The following VSTM2B variants were observed in gnomAD, a reference collection of about 807,000 sequenced individuals.
The protein encoded by VSTM2B is V-set and transmembrane domain-containing protein 2B.
A neutral mutation model predicts 24.0 loss-of-function variants in VSTM2B; 24 were observed. That is an observed-to-expected ratio of 1.00 (90% CI 0.72 to 1.40). VSTM2B has a LOEUF of 1.40. VSTM2B is among the 40% of genes most tolerant of loss of function. The pLI is 0.00. For missense variants in VSTM2B, 399 were observed against 416.4 expected (o/e 0.96, Z 0.36); for synonymous variants, 226 against 194.4 (o/e 1.16, Z -1.35).
chr19:29,526,937 C>G lies in VSTM2B; in HGVS notation c.82+272C>G, dbSNP rs1248402888. ...GGAGTAGGCGCGCCCCAGCCAGGCTCTGGCGGTGCGGCCAGGGGCGGGGGA... is the reference window on the plus strand; with the variant it reads ...GGAGTAGGCGCGCCCCAGCCAGGCTGTGGCGGTGCGGCCAGGGGCGGGGGA... On this transcript the variant is annotated intron_variant, in intron 1 of 4. Transcript: ENST00000335523. The surrounding 1 kb of genome is among the most constrained non-coding windows in gnomAD (Gnocchi z 4.1). The G allele has an allele frequency of 2.1e-6, 1 of 467,496 alleles. No individual in the cohort carries two copies. Among genetic ancestry groups the G allele is most frequent in the African/African-American group, 2.1e-5 (1 of 48,498 alleles). 29.0% of individuals were successfully genotyped at this position (467,496 alleles called of 1,614,324 possible). A position where few individuals can be genotyped will look rare whatever the true frequency, so the allele number is the denominator to read the frequency against.
chr19:29,561,062 A>G (rs1970511817), intron 4 of VSTM2B, among the ~76,000 whole-genome samples: 1 of 152,202 alleles, frequency 6.6e-6, no homozygotes, highest in African/African-American at 2.4e-5. Context: ...CTGTAATCCC[A>G]GCACTTTGGG....
intron 4 of VSTM2B, among the ~76,000 whole-genome samples, chr19:29,549,499 C>T (rs115359026): frequency 1.2e-4 from 15 of 124,948 alleles, no homozygotes; most frequent in South Asian, 2.3e-4. Flanking sequence ...AGGTCCCTGA[C>T]GCTGGCTCCA....
Position 29,528,469 on chromosome 19 carries a change from G to A in VSTM2B, c.297+7G>A. 4 of 1,550,890 alleles carry A rather than the reference G, an allele frequency of 2.6e-6. No homozygotes were observed. The highest frequency in any genetic ancestry group is 3.5e-6 in the Non-Finnish European group (4 of 1,146,944). On this transcript the variant is annotated splice_region_variant and intron_variant, in intron 3 of 4. Coordinates refer to ENST00000335523, the MANE Select transcript of VSTM2B (RefSeq NM_001146339.2). ...GGATGCAACTAAAATCAGCGTAAGT[G>A]TGGAGCCCAGCGCGGGCCGCGGGAG...
rs1276045174 is a variant in VSTM2B, at chr19:29,530,265, C to T, written c.744C>T (p.Val248=). The change falls in exon 4 of 5, where the codon GTC becomes GTT. Residue 248 remains valine (V), a synonymous_variant. Transcript: ENST00000335523. The stretch of plus-strand genomic sequence containing the variant: ...CGTCGCCGCCATCGGGACAGGCGGT[C>T]CTGCTGCGCCAGAGGCACGGCTCGG... The part of the protein sequence containing the change: ...SSASPPSGQA[V]LLRQRHGSGT... 2 of 1,499,910 alleles carry T rather than the reference C, an allele frequency of 1.3e-6. No individual in the cohort carries two copies. The highest frequency in any genetic ancestry group is 1.8e-6 in the Non-Finnish European group (2 of 1,131,444). 92.9% of individuals were successfully genotyped at this position (1,499,910 alleles called of 1,614,324 possible). A position where few individuals can be genotyped will look rare whatever the true frequency, so the allele number is the denominator to read the frequency against.
chr19:29,542,616 G>C (rs377270365), intron 4 of VSTM2B, among the ~76,000 whole-genome samples: 123 of 152,180 alleles, frequency 8.1e-4, no homozygotes, highest in Middle Eastern at 6.8e-3. Context: ...TGATGGATGA[G>C]TAGATTGGGA....
Position 29,526,307 on chromosome 19 carries a change from G to C in VSTM2B, c.-277G>C, listed in dbSNP as rs1362286981. Among the ~76,000 whole-genome samples the C allele has an allele frequency of 6.6e-6, 1 of 151,828 alleles. No individual in the cohort carries two copies. The highest frequency in any genetic ancestry group is 2.4e-5 in the African/African-American group (1 of 41,398). On this transcript the variant is annotated 5_prime_UTR_variant, in exon 1 of 5. Transcript: ENST00000335523. The surrounding 1 kb of genome is among the most constrained non-coding windows in gnomAD (Gnocchi z 4.1). ...CGCGGATCCCCACCGTCCTGTGGAC[G>C]ACCGGACAGAGAGAGGCACTGACCG...
intron 4 of VSTM2B, among the ~76,000 whole-genome samples, chr19:29,541,317 A>G (rs1970013415): frequency 6.6e-6 from 1 of 152,180 alleles, no homozygotes; most frequent in Non-Finnish European, 1.5e-5. Context: ...GGAGGCAGTG[A>G]TCCAGTCAAG....
At chr19:29,534,921 G>C (rs1414876600) in intron 4 of VSTM2B, among the ~76,000 whole-genome samples, 1 of 152,040 alleles carries the variant, frequency 6.6e-6, no homozygotes, top group South Asian at 2.1e-4. Flanking sequence ...AGAGAGGGGG[G>C]ACTTCCTCCA....
intron 3 of VSTM2B, 116 bp from the exon 4 acceptor site, chr19:29,529,703 A>G: frequency 9.4e-7 from 1 of 1,068,838 alleles, no homozygotes; most frequent in Admixed American, 2.4e-5. Flanking sequence ...GATGGTGGGC[A>G]AACCAGGATC....
chr19:29,545,375 G>A (rs1282380172), intron 4 of VSTM2B, among the ~76,000 whole-genome samples: 3 of 152,214 alleles, frequency 2.0e-5, no homozygotes, highest in Non-Finnish European at 4.4e-5. Flanking sequence ...CACTTTGGGA[G>A]GCCGAGGCGG....
At chr19:29,528,566 G>T in intron 3 of VSTM2B, 104 bp downstream of exon 3, 1 of 1,381,118 alleles carries the variant, frequency 7.2e-7, no homozygotes, top group Non-Finnish European at 1.0e-6. Flanking sequence ...ATGTGGGGCC[G>T]CGCAAGTAGG....
chr19:29,556,982 C>G (rs1428785391), intron 4 of VSTM2B, among the ~76,000 whole-genome samples: 1 of 152,092 alleles, frequency 6.6e-6, no homozygotes, highest in Non-Finnish European at 1.5e-5. Flanking sequence ...GATTCAATGC[C>G]ATTCCCATTA....
At chr19:29,553,448 T>G (rs1279634626) in intron 4 of VSTM2B, among the ~76,000 whole-genome samples, 1 of 152,006 alleles carries the variant, frequency 6.6e-6, no homozygotes, top group Non-Finnish European at 1.5e-5. Flanking sequence ...GAAAACCCCA[T>G]CCAAAGGCCA....
At chr19:29,554,905 A>G (rs565734161) in intron 4 of VSTM2B, among the ~76,000 whole-genome samples, 74 of 152,358 alleles carry the variant, frequency 4.9e-4, no homozygotes, top group Non-Finnish European at 9.1e-4. Context: ...GAGTACCCAG[A>G]TTCATAAAAC....
intron 4 of VSTM2B, among the ~76,000 whole-genome samples, chr19:29,549,404 C>T (rs1469174430): frequency 6.6e-6 from 1 of 151,890 alleles, no homozygotes; most frequent in Non-Finnish European, 1.5e-5. Context: ...CGCAGTGCTG[C>T]CCCAGGAGAG....
intron 4 of VSTM2B, among the ~76,000 whole-genome samples, chr19:29,543,839 C>A (rs1416307256): frequency 6.6e-6 from 1 of 152,174 alleles, no homozygotes; most frequent in East Asian, 1.9e-4. Flanking sequence ...GGTCCCCCAG[C>A]TCTGCCATCT....
At chr19:29,547,103 A>T (rs1186270101) in intron 4 of VSTM2B, among the ~76,000 whole-genome samples, 1 of 152,244 alleles carries the variant, frequency 6.6e-6, no homozygotes, top group Non-Finnish European at 1.5e-5. Context: ...GGGCTGCCAG[A>T]TTTAGCAAAT....
At chr19:29,529,243 C>G (rs1969666252) in intron 3 of VSTM2B, 1 of 554,796 alleles carries the variant, frequency 1.8e-6, no homozygotes, top group African/African-American at 2.0e-5. Context: ...GGGAGCCAGG[C>G]AGCAGCCTCA....
chr19:29,549,870 C>T (rs372702141), intron 4 of VSTM2B, among the ~76,000 whole-genome samples: 5 of 152,134 alleles, frequency 3.3e-5, no homozygotes, highest in East Asian at 1.9e-4. Context: ...CACTCCTGAG[C>T]GGGCCCCAGG....
Sources: allele counts gnomAD v4.1 joint callset (sites outside exome capture counted in the v4.1 genomes callset), GRCh38; gene constraint gnomAD v4.1.1; non-coding constraint Gnocchi (gnomAD v3.1); transcripts MANE v1.5; gene names NCBI Gene and HGNC (gene_info 2026-07-23, HGNC 2026-07-21).